SAMM50: variants seen among roughly 807,000 people sequenced by gnomAD.
The protein encoded by SAMM50 is sorting and assembly machinery component 50 homolog.
In SAMM50, 47 loss-of-function variants were observed where a neutral mutation model predicts 66.9. That is an observed-to-expected ratio of 0.70 (90% CI 0.56 to 0.90). SAMM50 has a LOEUF of 0.90. SAMM50 is among the 40% of genes least tolerant of loss of function. The probability of loss-of-function intolerance (pLI) is 0.00; values close to 1 mark genes in which losing one functional copy is unlikely to be tolerated. For synonymous variants in SAMM50, 191 were observed against 214.1 expected, an observed-to-expected ratio of 0.89 and a Z score of 0.94; for missense variants, 535 against 595.3, an observed-to-expected ratio of 0.90 and a Z score of 1.05.
Position 43,964,465 on chromosome 22 carries a change from A to G in SAMM50, c.146A>G (p.His49Arg). 1 of 1,606,054 alleles carries G rather than the reference A, an allele frequency of 6.2e-7. No individual in the cohort carries two copies. Residue 49 changes from histidine (H) to arginine (R), a missense_variant, in exon 3 of 15, where the codon CAT (histidine) becomes CGT (arginine). His to Arg is a conservative substitution (Grantham distance 29, BLOSUM62 0). Transcript: ENST00000350028. Reference protein sequence around the residue: ...ILENKDVVVQHVHFDGLGRTK... With the variant: ...ILENKDVVVQRVHFDGLGRTK... ...TGTGACTTTTAGGTGGTTGTTCAAC[A>G]TGTTCATTTTGATGGACTTGGAAGG...
At chr22:43,959,284 G>A (rs562581407) in intron 1 of SAMM50, among the ~76,000 whole-genome samples, 4 of 152,098 alleles carry the variant, frequency 2.6e-5, no homozygotes, top group African/African-American at 7.2e-5. Flanking sequence ...CTCCTGAAGT[G>A]TTGGGATTAC....
intron 1 of SAMM50, among the ~76,000 whole-genome samples, chr22:43,962,876 G>C (rs1267170946): frequency 1.0e-5 from 1 of 98,714 alleles, no homozygotes; most frequent in Non-Finnish European, 2.0e-5. Flanking sequence ...TGACCCTTTT[G>C]GTTAATTTTT....
intron 1 of SAMM50, among the ~76,000 whole-genome samples, chr22:43,962,413 GATAA>G (rs951194994): frequency 2.6e-5 from 4 of 152,216 alleles, no homozygotes; most frequent in Admixed American, 1.3e-4. Flanking sequence ...TAGAGAGATA[GATAA>G]ATAGATAGAT....
intron 10 of SAMM50, among the ~76,000 whole-genome samples, chr22:43,979,367 A>C (rs2235774): frequency 0.64 from 97,117 of 151,650 alleles, 31,659 homozygotes; most frequent in East Asian, 0.83. Flanking sequence ...TGCCTTCCCC[A>C]CAAATCTGTA....
At chr22:43,973,209 T>A (rs1189525530) in intron 6 of SAMM50, 27 bp from the exon 7 acceptor site, 1 of 1,463,940 alleles carries the variant, frequency 6.8e-7, no homozygotes, top group Non-Finnish European at 9.6e-7. Context: ...GTTTCAGCTT[T>A]TAAAGCTCTA....
chr22:43,967,714 C>G (rs1401932608), intron 3 of SAMM50, among the ~76,000 whole-genome samples: 17 of 142,614 alleles, frequency 1.2e-4, no homozygotes, highest in Non-Finnish European at 4.5e-5. Context: ...CTGTCTCCTG[C>G]TGACAGTTCT....
At chr22:43,962,612 G>C (rs1171102548) in intron 1 of SAMM50, among the ~76,000 whole-genome samples, 1 of 152,016 alleles carries the variant, frequency 6.6e-6, no homozygotes, top group Non-Finnish European at 1.5e-5. Context: ...AACCTGTCAG[G>C]GTCTACATAA....
At chr22:43,957,491 C>G (rs1354153775) in intron 1 of SAMM50, 2 of 202,880 alleles carry the variant, frequency 9.9e-6, no homozygotes, top group Non-Finnish European at 9.9e-6. Flanking sequence ...GGTGCAATCT[C>G]CACTCACTGC....
In SAMM50 at chr22:43,976,752, C is replaced by T. The variant is rs14315; in HGVS notation, c.780C>T (p.His260=). 0.31 allele frequency: 490,777 copies of T among 1,601,664 alleles called. 81,780 individuals carry two copies. The highest frequency in any genetic ancestry group is 0.57 in the African/African-American group (42,662 of 74,488). Residue 260 remains histidine (H), a splice_region_variant and synonymous_variant, in exon 9 of 15, where the codon CAC becomes CAT. Coordinates refer to ENST00000350028, the MANE Select transcript of SAMM50 (RefSeq NM_015380.5). ...ATCCCCATTCAAATTTCTTTCAGCACGCCATGGTCATCGATTCTCGGAATT... is the reference window on the plus strand; with the variant it reads ...ATCCCCATTCAAATTTCTTTCAGCATGCCATGGTCATCGATTCTCGGAATT... ...SGHSLKSSLS[H]AMVIDSRNSS... is the part of the protein sequence containing the mutation.
chr22:43,957,750 G>A (rs1408666755), intron 1 of SAMM50, among the ~76,000 whole-genome samples: 4 of 151,342 alleles, frequency 2.6e-5, no homozygotes, highest in African/African-American at 9.7e-5. Flanking sequence ...CTGTCCAGAT[G>A]TCCAGAATAA....
chr22:43,973,036 C>T (rs372760883), intron 6 of SAMM50, 35 bp downstream of exon 6: 18 of 1,574,930 alleles, frequency 1.1e-5, no homozygotes, highest in Admixed American at 4.1e-5. Context: ...GTACACTGGC[C>T]TGATAGAAAA....
intron 10 of SAMM50, among the ~76,000 whole-genome samples, chr22:43,980,867 A>G (rs2146821290): frequency 6.6e-6 from 1 of 152,352 alleles, no homozygotes; most frequent in East Asian, 1.9e-4. Flanking sequence ...TCACTGAGCC[A>G]AGACTGGCTA....
intron 7 of SAMM50, among the ~76,000 whole-genome samples, chr22:43,974,266 C>G (rs2146815589): frequency 6.6e-6 from 1 of 152,276 alleles, no homozygotes; most frequent in East Asian, 1.9e-4. Context: ...TGTGCTCTCC[C>G]TCCAAGAACC....
chr22:43,994,143 A>C (rs770974750), intron 14 of SAMM50, among the ~76,000 whole-genome samples: 4 of 152,170 alleles, frequency 2.6e-5, no homozygotes, highest in African/African-American at 9.7e-5. Flanking sequence ...TAGAGGACAG[A>C]CAGCCAGGTG....
intron 1 of SAMM50, among the ~76,000 whole-genome samples, chr22:43,958,220 C>T (rs975638976): frequency 6.6e-6 from 1 of 152,162 alleles, no homozygotes; most frequent in South Asian, 2.1e-4. Flanking sequence ...TTCGCCTTTC[C>T]GTGCCATTTC....
intron 14 of SAMM50, 111 bp downstream of exon 14, chr22:43,990,517 GAATTA>G (rs1283567773): frequency 4.5e-6 from 5 of 1,107,136 alleles, no homozygotes; most frequent in Non-Finnish European, 6.6e-6. Flanking sequence ...GATTTTAAGA[GAATTA>G]AATAGTTGCA....
intron 12 of SAMM50, among the ~76,000 whole-genome samples, chr22:43,986,133 C>G (rs1412530033): frequency 1.3e-5 from 2 of 148,806 alleles, no homozygotes; most frequent in Non-Finnish European, 3.0e-5. Context: ...ACCTCCACCT[C>G]CCAGGTTCAA....
Position 43,983,171 on chromosome 22 carries a change from G to A in SAMM50, c.1008-762G>A, listed in dbSNP as rs73434668. 7.0e-3 allele frequency among the ~76,000 whole-genome samples: 1,062 copies of A among 152,278 alleles called. 15 individuals are homozygous for A. The highest frequency in any genetic ancestry group is 0.024 in the African/African-American group (1,012 of 41,538). ...CTGCAGGGTGTTCTTAGCCTCCCGCGGCCTCAAAGGTCAGAGGGCTCTGAG... is the reference window on the plus strand; with the variant it reads ...CTGCAGGGTGTTCTTAGCCTCCCGCAGCCTCAAAGGTCAGAGGGCTCTGAG... On this transcript the variant is annotated intron_variant, in intron 11 of 14. Transcript: ENST00000350028. The surrounding 1 kb of genome is among the most constrained non-coding windows in gnomAD (Gnocchi z 4.2).
intron 3 of SAMM50, among the ~76,000 whole-genome samples, chr22:43,967,441 A>G (rs1163850651): frequency 6.6e-6 from 1 of 152,166 alleles, no homozygotes; most frequent in Non-Finnish European, 1.5e-5. Flanking sequence ...CAGTTTCAGT[A>G]GCTTCTTTCT....
Sources: gnomAD v4.1 joint callset for allele counts (sites outside exome capture counted in the v4.1 genomes callset) on GRCh38, gnomAD v4.1.1 for gene constraint, Gnocchi (gnomAD v3.1) non-coding constraint, MANE v1.5 for transcripts, NCBI Gene and HGNC (gene_info 2026-07-23, HGNC 2026-07-21) for gene names.